PTPRG: variants seen among roughly 807,000 people sequenced by gnomAD.
PTPRG encodes receptor-type tyrosine-protein phosphatase gamma.
In PTPRG, 102 loss-of-function variants were observed where a neutral mutation model predicts 165.3. That is an observed-to-expected ratio of 0.62 (90% CI 0.53 to 0.73). The LOEUF (loss-of-function observed/expected upper bound fraction) is 0.73, where lower values mean the gene tolerates loss of function less well. Ranked by LOEUF, PTPRG falls within the 30% of genes least tolerant of loss-of-function variation. The pLI, the probability that PTPRG is intolerant of heterozygous loss-of-function variation, is 0.00. For synonymous variants in PTPRG, 675 were observed against 669.5 expected (o/e 1.01, Z -0.13); for missense variants, 1,866 against 1,861.4 (o/e 1.00, Z -0.05).
chr3:61,900,520 C>G (rs1011958043), intron 2 of PTPRG, among the ~76,000 whole-genome samples: 2 of 152,122 alleles, frequency 1.3e-5, no homozygotes, highest in African/African-American at 4.8e-5. Flanking sequence ...GTGTGTTTTC[C>G]TGTCATTCAT....
intron 1 of PTPRG, among the ~76,000 whole-genome samples, chr3:61,588,737 C>G (rs1437686615): frequency 6.6e-6 from 1 of 152,182 alleles, no homozygotes; most frequent in Non-Finnish European, 1.5e-5. Flanking sequence ...TGAGCCGCCG[C>G]GCCCGGCCCT....
intron 1 of PTPRG, among the ~76,000 whole-genome samples, chr3:61,674,607 C>T (rs539395681): frequency 6.7e-6 from 1 of 150,218 alleles, no homozygotes; most frequent in South Asian, 2.1e-4. Context: ...GTGCTGCTGA[C>T]TTCTGTTTGG....
intron 2 of PTPRG, among the ~76,000 whole-genome samples, chr3:61,934,802 C>G (rs1366551737): frequency 6.6e-6 from 1 of 152,072 alleles, no homozygotes; most frequent in Non-Finnish European, 1.5e-5. Context: ...CCTGGGGGTT[C>G]TATTGCTTAT....
At chr3:62,032,646 G>A (rs988554660) in intron 4 of PTPRG, among the ~76,000 whole-genome samples, 1 of 152,144 alleles carries the variant, frequency 6.6e-6, no homozygotes, top group Non-Finnish European at 1.5e-5. Flanking sequence ...AATTTGCCAT[G>A]ATCGAGACTA....
Position 62,109,630 on chromosome 3 carries a change from G to A in PTPRG, c.616-22972G>A, listed in dbSNP as rs144632367. Among the ~76,000 whole-genome samples the A allele has an allele frequency of 4.6e-5, 7 of 152,212 alleles. No homozygotes were observed. The East Asian group carries it at 1.4e-3, about 29-fold the overall frequency. On this transcript the variant is annotated intron_variant, in intron 5 of 29. Coordinates refer to ENST00000474889, the MANE Select transcript of PTPRG (RefSeq NM_002841.4). Reference sequence around the variant, plus strand: ...GTTGTGCCTGTAGAGGACACTGGGGGCACTGCAGAGGGAAGTCAGAGGTGG... The same window carrying A: ...GTTGTGCCTGTAGAGGACACTGGGGACACTGCAGAGGGAAGTCAGAGGTGG...
chr3:61,959,319 C>G (rs2040099514), intron 2 of PTPRG, among the ~76,000 whole-genome samples: 1 of 152,176 alleles, frequency 6.6e-6, no homozygotes, highest in African/African-American at 2.4e-5. Context: ...ACCCTGTCCT[C>G]AGGCTCCCAA....
intron 6 of PTPRG, among the ~76,000 whole-genome samples, chr3:62,155,736 C>A (rs1209037873): frequency 6.6e-6 from 1 of 152,172 alleles, no homozygotes; most frequent in Non-Finnish European, 1.5e-5. Context: ...CCTAGTTACA[C>A]AGACTTCTCG....
At chr3:61,659,554 C>A in intron 1 of PTPRG, 2 of 717,380 alleles carry the variant, frequency 2.8e-6, no homozygotes, top group African/African-American at 1.9e-5. Context: ...GGAAGATAAA[C>A]ACTTTCTTGG....
At chr3:62,209,748 A>G (rs1393180162) in intron 12 of PTPRG, among the ~76,000 whole-genome samples, 1 of 152,218 alleles carries the variant, frequency 6.6e-6, no homozygotes, top group East Asian at 1.9e-4. Flanking sequence ...GTTTCTTCTC[A>G]GAAAGTATCT....
At position 61,762,332 on chromosome 3, in the gene PTPRG, G is replaced by C. The variant is rs77658436; in HGVS notation, c.190+13350G>C. ...TGCTGTGCCAGAAAGAACGAGTTAAGATTTGCTTCTGGCTGGGCATGGCGG... is the reference window on the plus strand; with the variant it reads ...TGCTGTGCCAGAAAGAACGAGTTAACATTTGCTTCTGGCTGGGCATGGCGG... On this transcript the variant is annotated intron_variant, in intron 2 of 29. Transcript: ENST00000474889. Among the ~76,000 whole-genome samples the C allele has an allele frequency of 7.1e-3, 1,080 of 152,266 alleles. 14 individuals carry two copies. The highest frequency in any genetic ancestry group is 0.025 in the African/African-American group (1,020 of 41,538).
At chr3:62,022,294 A>G (rs533302209) in intron 4 of PTPRG, among the ~76,000 whole-genome samples, 2 of 152,364 alleles carry the variant, frequency 1.3e-5, no homozygotes, top group South Asian at 4.1e-4. Flanking sequence ...ACATGTGAGA[A>G]GTCTTCCAGC....
intron 2 of PTPRG, among the ~76,000 whole-genome samples, chr3:61,781,241 A>G (rs570013905): frequency 1.9e-4 from 29 of 152,332 alleles, no homozygotes; most frequent in Non-Finnish European, 2.6e-4. Context: ...TAGGAGTAGA[A>G]GAGCCAATGA....
In PTPRG at chr3:61,940,617, T is replaced by C. The variant is rs149951593; in HGVS notation, c.191-49008T>C. On this transcript the variant is annotated intron_variant, in intron 2 of 29. Transcript: ENST00000474889. ...ATTTCTCAAGGGGATTTTATTCTGG[T>C]TTTTATTGATTTCTATGGATTCAGT... Among the ~76,000 whole-genome samples the C allele has an allele frequency of 2.0e-3, 300 of 152,200 alleles. 1 individual carries two copies. Among genetic ancestry groups the C allele is most frequent in the African/African-American group, 7.0e-3 (291 of 41,518 alleles).
intron 4 of PTPRG, among the ~76,000 whole-genome samples, chr3:62,063,271 C>G (rs1700880471): frequency 6.6e-6 from 1 of 152,184 alleles, no homozygotes; most frequent in Non-Finnish European, 1.5e-5. Flanking sequence ...GAAAGATCAT[C>G]AAGCCAAGGA....
chr3:61,652,299 C>T (rs139299933), intron 1 of PTPRG, among the ~76,000 whole-genome samples: 144 of 152,258 alleles, frequency 9.5e-4, no homozygotes, highest in African/African-American at 3.4e-3. Context: ...AGCGAGACTC[C>T]GTCTCAAAGT....
chr3:61,888,973 A>AT (rs780213173), intron 2 of PTPRG, among the ~76,000 whole-genome samples: 5 of 152,200 alleles, frequency 3.3e-5, no homozygotes, highest in Admixed American at 3.3e-4. Flanking sequence ...AGGAATAATT[A>AT]TTAGTGATAT....
At chr3:62,073,236 G>A (rs150455114) in intron 4 of PTPRG, among the ~76,000 whole-genome samples, 12 of 152,296 alleles carry the variant, frequency 7.9e-5, no homozygotes, top group African/African-American at 2.9e-4. Flanking sequence ...AGAAGGAATG[G>A]TGGAGTTAGA....
intron 2 of PTPRG, among the ~76,000 whole-genome samples, chr3:61,799,067 C>CT (rs1171001584): frequency 1.3e-5 from 2 of 151,954 alleles, no homozygotes; most frequent in Non-Finnish European, 2.9e-5. Flanking sequence ...TTATAGAACT[C>CT]TACTATTTTC....
In PTPRG at chr3:61,826,279, A is replaced by T. The variant is rs563487226; in HGVS notation, c.190+77297A>T. On this transcript the variant is annotated intron_variant, in intron 2 of 29. Transcript: ENST00000474889. ...AGGGACTCTTTCCCCTACGGTGAGT[A>T]GTATATAGTGAATATCAATGCTGAT... is the stretch of plus-strand genomic sequence containing the variant. 4.6e-4 allele frequency among the ~76,000 whole-genome samples: 70 copies of T among 152,290 alleles called. No homozygotes were observed. The South Asian group carries it at 0.014, about 30-fold the overall frequency.
Sources: allele counts gnomAD v4.1 joint callset (sites outside exome capture counted in the v4.1 genomes callset), GRCh38; gene constraint gnomAD v4.1.1; transcripts MANE v1.5; gene names NCBI Gene and HGNC (gene_info 2026-07-23, HGNC 2026-07-21).